VDAC1: variants seen among roughly 807,000 people sequenced by gnomAD.
VDAC1 encodes the protein voltage dependent anion channel 1, also known as non-selective voltage-gated ion channel VDAC1.
Under a neutral mutation model 34.7 loss-of-function variants are expected in VDAC1, and 10 were observed. That is an observed-to-expected ratio of 0.29 (90% confidence interval 0.18 to 0.49). The LOEUF is 0.49. Among genes scored for constraint, VDAC1 ranks in the 20% least tolerant of loss-of-function variants. The pLI, the probability that VDAC1 is intolerant of heterozygous loss-of-function variation, is 0.99. For missense variants in VDAC1, 230 were observed against 347.9 expected, an observed-to-expected ratio of 0.66 and a Z score of 2.69; for synonymous variants, 130 against 136.0, an observed-to-expected ratio of 0.96 and a Z score of 0.30.
At chr5:133,976,092 A>C in intron 6 of VDAC1, 71 bp from the exon 7 acceptor site, 1 of 1,590,352 alleles carries the variant, frequency 6.3e-7, no homozygotes, top group Non-Finnish European at 8.6e-7. Flanking sequence ...GATCCACCCA[A>C]GTCTCCCAGA....
At chr5:134,028,707 G>A in the VDAC1 span, among the ~76,000 whole-genome samples, 1 of 152,126 alleles carries the variant, frequency 6.6e-6, no homozygotes, top group African/African-American at 2.4e-5. Context: ...CAGTGGGAAG[G>A]GACCTTGCGG....
chr5:133,991,240 G>C, intron 3 of VDAC1, 86 bp from the exon 4 acceptor site: 1 of 1,534,152 alleles, frequency 6.5e-7, no homozygotes, highest in Non-Finnish European at 8.9e-7. Flanking sequence ...TTGCCTTTCT[G>C]CAAGAGGCAA....
chr5:133,988,795 C>G (rs1223209282), intron 5 of VDAC1: 1 of 150,770 alleles, frequency 6.6e-6, no homozygotes, highest in Non-Finnish European at 1.5e-5. Flanking sequence ...AACCAAAAAA[C>G]TTTCCTTTGT....
At chr5:134,059,920 A>T in the VDAC1 span, among the ~76,000 whole-genome samples, 1 of 151,944 alleles carries the variant, frequency 6.6e-6, no homozygotes, top group Non-Finnish European at 1.5e-5. Context: ...GCTTGGGCAG[A>T]GGCCCAGGGA....
chr5:134,092,370 C>G, the VDAC1 span, among the ~76,000 whole-genome samples: 1 of 152,214 alleles, frequency 6.6e-6, no homozygotes, highest in Non-Finnish European at 1.5e-5. Context: ...GGCTCTGAGT[C>G]ACTGTCTTGG....
the VDAC1 span, among the ~76,000 whole-genome samples, chr5:134,089,449 C>A: frequency 6.6e-6 from 1 of 152,166 alleles, no homozygotes; most frequent in Non-Finnish European, 1.5e-5. Flanking sequence ...GAGCCTATAA[C>A]CCATATGAAA....
chr5:134,061,674 C>G, the VDAC1 span, among the ~76,000 whole-genome samples: 2 of 151,710 alleles, frequency 1.3e-5, no homozygotes, highest in Non-Finnish European at 2.9e-5. Context: ...CACACAGCCC[C>G]TGAATTTTTT....
At chr5:133,986,867 T>A (rs2126952782) in intron 5 of VDAC1, among the ~76,000 whole-genome samples, 1 of 152,308 alleles carries the variant, frequency 6.6e-6, no homozygotes, top group African/African-American at 2.4e-5. Context: ...ACAGAGTGTA[T>A]TCTCCCAAAG....
chr5:134,018,720 A>T, the VDAC1 span, among the ~76,000 whole-genome samples: 1 of 152,176 alleles, frequency 6.6e-6, no homozygotes, highest in African/African-American at 2.4e-5. Context: ...GAACAATGTG[A>T]TTTAGGGTGG....
intron 1 of VDAC1, among the ~76,000 whole-genome samples, chr5:133,999,003 G>C (rs367869297): frequency 5.3e-5 from 8 of 152,148 alleles, no homozygotes; most frequent in African/African-American, 1.9e-4. Flanking sequence ...TCTCTGCAGA[G>C]GCTCCCTCAA....
the VDAC1 span, among the ~76,000 whole-genome samples, chr5:134,052,132 C>T: frequency 6.6e-6 from 1 of 152,134 alleles, no homozygotes; most frequent in Non-Finnish European, 1.5e-5. Context: ...GAAGATGCAT[C>T]TTCTTACCTC....
intron 5 of VDAC1, among the ~76,000 whole-genome samples, chr5:133,990,412 G>A (rs1384469346): frequency 6.6e-6 from 1 of 152,216 alleles, no homozygotes; most frequent in Non-Finnish European, 1.5e-5. Context: ...ACATGAAATG[G>A]CTATTACTGA....
intron 1 of VDAC1, among the ~76,000 whole-genome samples, chr5:133,995,360 A>C (rs1753259416): frequency 6.6e-6 from 1 of 152,166 alleles, no homozygotes; most frequent in African/African-American, 2.4e-5. Context: ...CACTGTAAAC[A>C]TACTGGATGC....
chr5:134,112,622 G>A, the VDAC1 span, among the ~76,000 whole-genome samples: 1 of 151,736 alleles, frequency 6.6e-6, no homozygotes, highest in African/African-American at 2.4e-5. Flanking sequence ...AACAGATGGG[G>A]AAAAAAATGT....
chr5:134,046,459 C>T, the VDAC1 span, among the ~76,000 whole-genome samples: 1 of 152,186 alleles, frequency 6.6e-6, no homozygotes, highest in Non-Finnish European at 1.5e-5. Flanking sequence ...GCATGAGCCA[C>T]CATGCCTGGC....
the VDAC1 span, among the ~76,000 whole-genome samples, chr5:134,106,644 G>A: frequency 6.6e-6 from 1 of 152,104 alleles, no homozygotes; most frequent in African/African-American, 2.4e-5. Context: ...CTGACCTCGT[G>A]ATCCACCCGC....
At chr5:134,014,386 T>G in the VDAC1 span, among the ~76,000 whole-genome samples, 32 of 152,096 alleles carry the variant, frequency 2.1e-4, no homozygotes, top group African/African-American at 7.7e-4. Context: ...AAAACCACAA[T>G]GAGTGCCACC....
intron 1 of VDAC1, among the ~76,000 whole-genome samples, chr5:133,999,697 G>C (rs190457287): frequency 1.1e-4 from 17 of 152,248 alleles, no homozygotes; most frequent in African/African-American, 4.1e-4. Context: ...AGGCCTCAGG[G>C]TGTTAACAGA....
At chr5:134,077,192 G>T in the VDAC1 span, among the ~76,000 whole-genome samples, 1 of 148,030 alleles carries the variant, frequency 6.8e-6, no homozygotes, top group Non-Finnish European at 1.5e-5. Flanking sequence ...CACAGGAATT[G>T]CTTGAACTCA....
Sources: gnomAD v4.1 joint callset for allele counts (sites outside exome capture counted in the v4.1 genomes callset) on GRCh38, gnomAD v4.1.1 for gene constraint, MANE v1.5 for transcripts, NCBI Gene and HGNC (gene_info 2026-07-23, HGNC 2026-07-21) for gene names.